DPEP1: variants seen among roughly 807,000 people sequenced by gnomAD.
DPEP1 encodes beta-lactamase.
In DPEP1, 50 loss-of-function variants were observed where a neutral mutation model predicts 42.3. The observed-to-expected ratio is 1.18, with a 90% CI of 0.94 to 1.50. The LOEUF (loss-of-function observed/expected upper bound fraction) is 1.50. Among genes scored for constraint, DPEP1 ranks in the 40% most tolerant of loss-of-function variants. DPEP1 has a pLI of 0.00. For missense variants in DPEP1, 663 were observed against 553.0 expected, an observed-to-expected ratio of 1.20 and a Z score of -1.99; for synonymous variants, 297 against 234.0, an observed-to-expected ratio of 1.27 and a Z score of -2.46.
downstream of DPEP1, among the ~76,000 whole-genome samples, chr16:89,641,441 C>T (rs2059742008): frequency 6.6e-6 from 1 of 152,206 alleles, no homozygotes; most frequent in Non-Finnish European, 1.5e-5. Context: ...TCACGGTGCC[C>T]CTTCAGCTCC....
chr16:89,627,325 G>A (rs978267323), intron 1 of DPEP1, among the ~76,000 whole-genome samples: 5 of 150,264 alleles, frequency 3.3e-5, no homozygotes, highest in Admixed American at 3.3e-4. Context: ...GCTCACACCT[G>A]TAATCCCAGC....
chr16:89,616,816 C>G (rs1299199609), intron 1 of DPEP1: 2 of 246,592 alleles, frequency 8.1e-6, no homozygotes, highest in South Asian at 3.3e-5. Context: ...CAGAAAGCGG[C>G]CAGGAAGTGG....
At position 89,634,091 on chromosome 16, in the gene DPEP1, C is replaced by CTTT. The variant is rs3039849; in HGVS notation, c.105-1803_105-1801dup. On this transcript the variant is annotated intron_variant, in intron 2 of 10. Transcript: ENST00000690203. ...TATTTTTCTTTTCTCTTCTCTTCTTCTTTTTTTTTTTTTTTTGGAGGGAGT... is the reference window on the plus strand; with the variant it reads ...TATTTTTCTTTTCTCTTCTCTTCTTCTTTTTTTTTTTTTTTTTTTGGAGGGAGT... Among the ~76,000 whole-genome samples the CTTT allele has an allele frequency of 1.7e-4, 21 of 123,690 alleles. 2 individuals are homozygous for CTTT. The East Asian group carries it at 4.7e-3, about 28-fold the overall frequency. 81.1% of individuals were successfully genotyped at this position (123,690 alleles called of 152,430 possible).
chr16:89,614,790 G>A (rs1328675926), intron 1 of DPEP1, among the ~76,000 whole-genome samples: 4 of 152,074 alleles, frequency 2.6e-5, no homozygotes, highest in Admixed American at 6.5e-5. Context: ...GCGAGACTCC[G>A]TATCCAAAAA....
intron 2 of DPEP1, 36 bp from the exon 3 acceptor site, chr16:89,635,872 G>A (rs199928490): frequency 1.2e-4 from 187 of 1,559,958 alleles, no homozygotes; most frequent in African/African-American, 2.7e-5. Flanking sequence ...CCCAGTGGCC[G>A]CCCTGACTGC....
intron 2 of DPEP1, among the ~76,000 whole-genome samples, chr16:89,631,777 A>G (rs1016610536): frequency 8.5e-5 from 13 of 152,104 alleles, no homozygotes; most frequent in African/African-American, 2.9e-4. Flanking sequence ...GAATCACTTG[A>G]ACTCGGGAGG....
intron 1 of DPEP1, among the ~76,000 whole-genome samples, chr16:89,624,726 G>A (rs1468040833): frequency 1.3e-5 from 2 of 152,012 alleles, no homozygotes; most frequent in East Asian, 3.9e-4. Flanking sequence ...GTTGAGACGG[G>A]GTTTTTCTTT....
At chr16:89,636,180 G>C in intron 3 of DPEP1, 84 bp from the exon 4 acceptor site, 3 of 1,555,514 alleles carry the variant, frequency 1.9e-6, no homozygotes, top group Non-Finnish European at 2.6e-6. Context: ...TTCCCAGCGG[G>C]TGGGAAACCA....
chr16:89,626,863 A>G (rs1434413975), intron 1 of DPEP1, among the ~76,000 whole-genome samples: 1 of 151,708 alleles, frequency 6.6e-6, no homozygotes, highest in Non-Finnish European at 1.5e-5. Context: ...CATGCCTGTA[A>G]TCCCAACAGC....
rs149821842 is a variant in DPEP1, at chr16:89,622,523, C to T, written c.-106-7782C>T. Among the ~76,000 whole-genome samples the T allele has an allele frequency of 9.5e-3, 1,449 of 152,230 alleles. 20 individuals are homozygous for T. The highest frequency in any genetic ancestry group is 0.033 in the African/African-American group (1,362 of 41,548). ...CACTCGGGCCGGGCGCAGTGGCTCA[C>T]GCCTGTAATCCCAGCACTTTGGGAG... On this transcript the variant is annotated intron_variant, in intron 1 of 10. Transcript: ENST00000690203.
At chr16:89,626,386 G>A (rs2059512363) in intron 1 of DPEP1, 1 of 152,138 alleles carries the variant, frequency 6.6e-6, no homozygotes. Flanking sequence ...CACTCTTGTT[G>A]CCCAAGCTGG....
chr16:89,623,788 C>G (rs1305442221), intron 1 of DPEP1, among the ~76,000 whole-genome samples: 1 of 152,138 alleles, frequency 6.6e-6, no homozygotes, highest in African/African-American at 2.4e-5. Context: ...GCCTGAAACC[C>G]TGGCCAGACG....
chr16:89,624,252 C>T lies in DPEP1; in HGVS notation c.-106-6053C>T, dbSNP rs901001548. On this transcript the variant is annotated intron_variant, in intron 1 of 10. Transcript: ENST00000690203. ...CTATAGAGAAAAGGGGTGGGTTTGG[C>T]TCATGGTTGTGGAGGCTGAATGGGA... Among the ~76,000 whole-genome samples, 3 of 152,170 alleles carry T rather than the reference C, an allele frequency of 2.0e-5. No individual in the cohort carries two copies. The East Asian group carries it at 5.8e-4, about 29-fold the overall frequency.
intron 3 of DPEP1, 22 bp from the exon 4 acceptor site, chr16:89,636,242 T>G: frequency 3.1e-6 from 5 of 1,596,896 alleles, no homozygotes; most frequent in Non-Finnish European, 4.3e-6. Flanking sequence ...CATCAGCTCC[T>G]GGCACCCCCT....
At chr16:89,615,761 G>A (rs35078537) in intron 1 of DPEP1, among the ~76,000 whole-genome samples, 3 of 152,204 alleles carry the variant, frequency 2.0e-5, no homozygotes, top group African/African-American at 7.2e-5. Flanking sequence ...CAGAGGGCAG[G>A]AGCTGCAGCA....
At chr16:89,623,343 C>T (rs1223792461) in intron 1 of DPEP1, among the ~76,000 whole-genome samples, 1 of 151,970 alleles carries the variant, frequency 6.6e-6, no homozygotes, top group African/African-American at 2.4e-5. Context: ...GGTAACCGGG[C>T]ATCTCCGGAG....
At chr16:89,625,375 C>T (rs771363843) in intron 1 of DPEP1, among the ~76,000 whole-genome samples, 20 of 152,122 alleles carry the variant, frequency 1.3e-4, no homozygotes, top group Non-Finnish European at 2.5e-4. Context: ...AGTTCTCTTC[C>T]CAACGAACTC....
In DPEP1 at chr16:89,630,156, G is replaced by C. The variant is rs941989751; in HGVS notation, c.-106-149G>C. ...ACTATGCCTCCGCCTAGCCCAGACA[G>C]CAACGCCCAGTCATTGAGTGTCCGG... On this transcript the variant is annotated intron_variant, in intron 1 of 10. Transcript: ENST00000690203. 4 of 335,280 alleles carry C rather than the reference G, an allele frequency of 1.2e-5. No homozygotes were observed. The Admixed American group carries it at 1.5e-4, about 13-fold the overall frequency. The allele number at this position is 335,280 out of a possible 1,614,324, so 20.8% of individuals were successfully genotyped here. A position where few individuals can be genotyped will look rare whatever the true frequency, so the allele number is the denominator to read the frequency against.
downstream of DPEP1, chr16:89,640,484 C>G (rs2059735054): frequency 1.2e-6 from 1 of 859,564 alleles, no homozygotes; most frequent in Non-Finnish European, 1.4e-6. Flanking sequence ...GGTCCATGCC[C>G]TTCCATGGAG....
Sources: gnomAD v4.1 joint callset for allele counts (sites outside exome capture counted in the v4.1 genomes callset) on GRCh38, gnomAD v4.1.1 for gene constraint, MANE v1.5 for transcripts, NCBI Gene and HGNC (gene_info 2026-07-23, HGNC 2026-07-21) for gene names.